The following TANGO6 variants were observed in gnomAD, a reference collection of about 807,000 sequenced individuals.
The protein encoded by TANGO6 is transport and Golgi organization protein 6 homolog.
In TANGO6, 90 loss-of-function variants were observed where a neutral mutation model predicts 114.2. The ratio of observed to expected loss-of-function variants is 0.79; its 90% CI spans 0.66 to 0.94. The LOEUF (loss-of-function observed/expected upper bound fraction) is 0.94. TANGO6 is among the 40% of genes least tolerant of loss of function. The probability of loss-of-function intolerance (pLI) is 0.00; values close to 1 mark genes in which losing one functional copy is unlikely to be tolerated. For synonymous variants in TANGO6, 477 were observed against 509.8 expected (o/e 0.94, Z 0.87); for missense variants, 1,274 against 1,315.3 (o/e 0.97, Z 0.49).
At chr16:68,936,112 AG>A (rs1380500421) in intron 14 of TANGO6, among the ~76,000 whole-genome samples, 1 of 152,152 alleles carries the variant, frequency 6.6e-6, no homozygotes, top group East Asian at 1.9e-4. Flanking sequence ...TGAGCCCAGG[AG>A]GTTAAGGCTG....
intron 11 of TANGO6, among the ~76,000 whole-genome samples, chr16:68,911,230 G>A (rs1458019456): frequency 6.6e-6 from 1 of 151,792 alleles, no homozygotes; most frequent in Non-Finnish European, 1.5e-5. Context: ...GAGACAACAG[G>A]TGCACACCAC....
chr16:68,922,939 GTT>G (rs531603542), intron 12 of TANGO6, among the ~76,000 whole-genome samples: 3 of 79,048 alleles, frequency 3.8e-5, no homozygotes, highest in Non-Finnish European at 5.0e-5. Flanking sequence ...CTTAGGTCAT[GTT>G]TTTTTTTTTT....
intron 15 of TANGO6, among the ~76,000 whole-genome samples, chr16:69,020,045 A>G (rs1295353392): frequency 6.6e-6 from 1 of 152,234 alleles, no homozygotes; most frequent in Non-Finnish European, 1.5e-5. Flanking sequence ...TGATTTTGTC[A>G]TTGTACAAAC....
chr16:68,962,341 CT>C (rs1395572457), intron 14 of TANGO6, among the ~76,000 whole-genome samples: 4 of 152,160 alleles, frequency 2.6e-5, no homozygotes, highest in Admixed American at 1.3e-4. Context: ...GCCAATCAGA[CT>C]GGTGATTCTC....
chr16:69,043,234 C>A (rs1959799929), intron 17 of TANGO6, among the ~76,000 whole-genome samples: 1 of 151,962 alleles, frequency 6.6e-6, no homozygotes, highest in Admixed American at 6.6e-5. Context: ...AGTGCACACA[C>A]CCTTACTGAG....
At chr16:68,923,743 GAAGGAAGAAAGAATAA>G (rs369934393) in intron 12 of TANGO6, among the ~76,000 whole-genome samples, 2 of 152,200 alleles carry the variant, frequency 1.3e-5, no homozygotes, top group African/African-American at 4.8e-5. Context: ...TGGATAAATG[GAAGGAAGAAAGAATAA>G]AAGGAAGAAA....
chr16:68,866,346 G>A (rs373909799), intron 3 of TANGO6, among the ~76,000 whole-genome samples: 16 of 151,956 alleles, frequency 1.1e-4, no homozygotes, highest in Admixed American at 2.6e-4. Flanking sequence ...AATGTCGGCC[G>A]GGCGCGGTGG....
chr16:68,932,551 G>A (rs572856850), intron 14 of TANGO6, among the ~76,000 whole-genome samples: 15 of 152,242 alleles, frequency 9.9e-5, no homozygotes, highest in East Asian at 3.9e-4. Context: ...TTGGGAGGCC[G>A]AAGCAAGCAG....
At chr16:69,009,762 A>G in intron 15 of TANGO6, among the ~76,000 whole-genome samples, 1 of 152,150 alleles carries the variant, frequency 6.6e-6, no homozygotes, top group East Asian at 1.9e-4. Flanking sequence ...CTTTTGTTAA[A>G]TTTATTCCTA....
chr16:68,931,352 C>T (rs1366933808), intron 14 of TANGO6, among the ~76,000 whole-genome samples: 4 of 152,102 alleles, frequency 2.6e-5, no homozygotes, highest in African/African-American at 4.8e-5. Flanking sequence ...GGCAGTTCCT[C>T]GAAAAGATAA....
chr16:68,846,580 C>T (rs1961809081), intron 1 of TANGO6: 1 of 239,484 alleles, frequency 4.2e-6, no homozygotes, highest in South Asian at 3.9e-5. Context: ...ACTGCAACCT[C>T]CGCCTCCCAG....
At chr16:68,966,961 G>A (rs894032038) in intron 14 of TANGO6, among the ~76,000 whole-genome samples, 3 of 151,928 alleles carry the variant, frequency 2.0e-5, no homozygotes, top group Non-Finnish European at 2.9e-5. Flanking sequence ...TAGTAGAGAC[G>A]GGGTTTTGCC....
chr16:68,882,354 G>A (rs887433341), intron 7 of TANGO6, among the ~76,000 whole-genome samples: 7 of 151,996 alleles, frequency 4.6e-5, no homozygotes, highest in African/African-American at 1.4e-4. Flanking sequence ...AAAATTAGCC[G>A]GGCGTGGTGG....
chr16:68,906,973 T>G (rs1567536822), intron 9 of TANGO6, among the ~76,000 whole-genome samples: 1 of 152,028 alleles, frequency 6.6e-6, no homozygotes, highest in South Asian at 2.1e-4. Flanking sequence ...TTTGTATTTT[T>G]TAGTAGAGAC....
intron 9 of TANGO6, among the ~76,000 whole-genome samples, chr16:68,904,647 G>A (rs1367843202): frequency 2.0e-5 from 3 of 152,120 alleles, no homozygotes; most frequent in African/African-American, 4.8e-5. Flanking sequence ...ATTGGTCACT[G>A]AAATAACACA....
At chr16:69,002,315 A>G (rs940186599) in intron 15 of TANGO6, among the ~76,000 whole-genome samples, 3 of 152,200 alleles carry the variant, frequency 2.0e-5, no homozygotes, top group African/African-American at 4.8e-5. Flanking sequence ...ATATATATAT[A>G]TAAAATTTGG....
chr16:68,943,571 C>T (rs543387115), intron 14 of TANGO6, among the ~76,000 whole-genome samples: 67 of 152,084 alleles, frequency 4.4e-4, no homozygotes, highest in Admixed American at 2.9e-3. Flanking sequence ...TTCACCATGT[C>T]AGCCAGGATG....
intron 7 of TANGO6, chr16:68,900,101 A>G (rs1014856551): frequency 4.2e-6 from 1 of 238,486 alleles, no homozygotes; most frequent in African/African-American, 2.2e-5. Context: ...GACAGTTATC[A>G]TATGGTTACA....
intron 17 of TANGO6, among the ~76,000 whole-genome samples, chr16:69,052,052 A>G (rs962860444): frequency 2.7e-5 from 4 of 149,178 alleles, no homozygotes; most frequent in African/African-American, 7.4e-5. Flanking sequence ...GGCTCAGACA[A>G]TCCTCCCACC....
Sources: gnomAD v4.1 joint callset for allele counts (sites outside exome capture counted in the v4.1 genomes callset) on GRCh38, gnomAD v4.1.1 for gene constraint, MANE v1.5 for transcripts, NCBI Gene and HGNC (gene_info 2026-07-23, HGNC 2026-07-21) for gene names.